The following ACAT1 variants were observed in gnomAD, a reference collection of about 807,000 sequenced individuals.
ACAT1 encodes acetyl-CoA acetyltransferase 1.
Under a neutral mutation model 47.3 loss-of-function variants are expected in ACAT1, and 28 were observed. That is an observed-to-expected ratio of 0.59 (90% CI 0.44 to 0.81). ACAT1 has a LOEUF of 0.81. Among genes scored for constraint, ACAT1 ranks in the 30% least tolerant of loss-of-function variants. The pLI is 0.00. For synonymous variants in ACAT1, 181 were observed against 173.6 expected (o/e 1.04, Z -0.34); for missense variants, 469 against 524.3 (o/e 0.89, Z 1.03).
At chr11:108,120,281 A>C (rs2077125572), upstream of ACAT1, among the ~76,000 whole-genome samples, 1 of 151,986 alleles carries the variant, frequency 6.6e-6, no homozygotes, top group Non-Finnish European at 1.5e-5. Flanking sequence ...AAGATCTCTT[A>C]AGGCCAGGAG....
chr11:108,117,400 T>G (rs1202931104), upstream of ACAT1, among the ~76,000 whole-genome samples: 1 of 151,572 alleles, frequency 6.6e-6, no homozygotes, highest in Non-Finnish European at 1.5e-5. Flanking sequence ...CTCCACCTCC[T>G]GGGTTCAAGC....
intron 5 of ACAT1, chr11:108,136,680 ACAGT>A (rs1319540600): frequency 6.6e-6 from 1 of 152,198 alleles, no homozygotes; most frequent in East Asian, 1.9e-4. Flanking sequence ...ACCTTAGAAA[ACAGT>A]CAGTTTTACT....
At chr11:108,129,619 A>C (rs1205420274) in intron 1 of ACAT1, among the ~76,000 whole-genome samples, 1 of 152,098 alleles carries the variant, frequency 6.6e-6, no homozygotes, top group Non-Finnish European at 1.5e-5. Flanking sequence ...CGCCCGCCTC[A>C]GCCTCCTAAA....
intron 1 of ACAT1, 72 bp downstream of exon 1, chr11:108,121,750 C>T: frequency 1.3e-6 from 2 of 1,509,336 alleles, no homozygotes; most frequent in Admixed American, 2.0e-5. Flanking sequence ...GCTTCCAGCC[C>T]GCGGCCGTTG....
rs553632142 is a variant in ACAT1 at position 108,147,421 on chromosome 11, ATGTGACCAGAAGGCCTGCTGTAATCAG to A, written c.*38_*64del. 5.4e-3 allele frequency: 8,746 copies of A among 1,611,400 alleles called. 32 individuals are homozygous for A. The highest frequency in any genetic ancestry group is 6.0e-3 in the Non-Finnish European group (7,031 of 1,178,734). On this transcript the variant is annotated 3_prime_UTR_variant, in exon 12 of 12. Transcript: ENST00000265838. Reference sequence around the variant, plus strand: ...CTCTGCTATTTAAGGAGACAACCCTATGTGACCAGAAGGCCTGCTGTAATCAGTGTGACTACTGTGGGTCAGCTTATA... The same window carrying A: ...CTCTGCTATTTAAGGAGACAACCCTATGTGACTACTGTGGGTCAGCTTATA...
In ACAT1 at chr11:108,139,973, G is replaced by A. The variant is rs777022719; in HGVS notation, c.580-92G>A. 142 of 1,439,146 alleles carry A rather than the reference G, an allele frequency of 9.9e-5. 1 individual carries two copies. The highest frequency in any genetic ancestry group is 3.7e-4 in the Middle Eastern group (2 of 5,340). The allele number at this position is 1,439,146 out of a possible 1,614,324, so 89.1% of individuals were successfully genotyped here. The stretch of plus-strand genomic sequence containing the variant: ...GCCTAAGAAATATATTTTAAGAAAC[G>A]TTAACTATTAAACACTATAAGTTAG... On this transcript the variant is annotated intron_variant, in intron 6 of 11. Coordinates refer to ENST00000265838, the MANE Select transcript of ACAT1 (RefSeq NM_000019.4).
Position 108,138,970 on chromosome 11 carries a change from T to A in ACAT1, c.508T>A (p.Tyr170Asn). 6.2e-7 allele frequency: 1 copy of A among 1,614,104 alleles called. No individual in the cohort carries two copies. Among genetic ancestry groups the A allele is most frequent in the Non-Finnish European group, 8.5e-7 (1 of 1,180,028 alleles). ...TGTAATGAACAGAGGATCAACACCA[T>A]ATGGTGGGGTAAAGCTTGAAGATTT... Reference protein sequence around the residue: ...PYVMNRGSTPYGGVKLEDLIV... With the variant: ...PYVMNRGSTPNGGVKLEDLIV... Residue 170 changes from tyrosine to asparagine, a missense_variant, in exon 6 of 12, where the codon TAT becomes AAT. Coordinates refer to ENST00000265838, the MANE Select transcript of ACAT1 (RefSeq NM_000019.4).
At chr11:108,121,498 T>C (rs1376361091), upstream of ACAT1, 9 of 1,238,404 alleles carry the variant, frequency 7.3e-6, no homozygotes, top group Non-Finnish European at 1.0e-5. Flanking sequence ...GAGGCGACTA[T>C]TGGAGGAAGC....
chr11:108,125,841 G>A (rs931159527), intron 1 of ACAT1, among the ~76,000 whole-genome samples: 1 of 151,780 alleles, frequency 6.6e-6, no homozygotes, highest in Non-Finnish European at 1.5e-5. Context: ...CAGGAGAATG[G>A]CGTGAACCTG....
At position 108,121,688 on chromosome 11, in the gene ACAT1, GTTCGTC is replaced by G; in HGVS notation, c.72+11_72+16del. The G allele has an allele frequency of 6.5e-7, 1 of 1,547,580 alleles. No individual in the cohort carries two copies. Among genetic ancestry groups the G allele is most frequent in the South Asian group, 1.2e-5 (1 of 83,974 alleles). On this transcript the variant is annotated intron_variant, in intron 1 of 11. Coordinates refer to ENST00000265838, the MANE Select transcript of ACAT1 (RefSeq NM_000019.4). ...CCGGAGGCTGGTGCAGGTGAGCGGGGTTCGTCCCCACAGCACTCAGACCCGGGATGC... is the reference window on the plus strand; with the variant it reads ...CCGGAGGCTGGTGCAGGTGAGCGGGGCCCACAGCACTCAGACCCGGGATGC...
intron 1 of ACAT1, among the ~76,000 whole-genome samples, chr11:108,125,101 TAAATA>T (rs1387889216): frequency 6.6e-6 from 1 of 152,124 alleles, no homozygotes; most frequent in East Asian, 1.9e-4. Flanking sequence ...GGATAGAAAA[TAAATA>T]AAATCAGTCT....
chr11:108,121,959 C>T, intron 1 of ACAT1: 3 of 524,616 alleles, frequency 5.7e-6, no homozygotes, highest in East Asian at 3.4e-5. Context: ...TCTGGGCGGG[C>T]AGGACCGCCA....
At chr11:108,140,740 A>C (rs947031993) in intron 7 of ACAT1, among the ~76,000 whole-genome samples, 1 of 152,208 alleles carries the variant, frequency 6.6e-6, no homozygotes, top group African/African-American at 2.4e-5. Flanking sequence ...CAGCAGAATA[A>C]ATCCACAATG....
Position 108,147,292 on chromosome 11 carries a change from G to A in ACAT1, c.1186G>A (p.Gly396Ser). The A allele has an allele frequency of 2.5e-6, 4 of 1,613,804 alleles. No homozygotes were observed. Among genetic ancestry groups the A allele is most frequent in the Non-Finnish European group, 3.4e-6 (4 of 1,179,878 alleles). The change falls in exon 12 of 12, where the codon GGT becomes AGT. Residue 396 changes from glycine to serine, a missense_variant. Physicochemically the swap from Gly to Ser is moderately conservative, Grantham distance 56. Coordinates refer to ENST00000265838, the MANE Select transcript of ACAT1 (RefSeq NM_000019.4). Reference sequence around the variant, plus strand: ...TAGGATGTCTGGAGCCAGGATTGTTGGTCATTTGACTCATGCCTTGAAGCA... The same window carrying A: ...TAGGATGTCTGGAGCCAGGATTGTTAGTCATTTGACTCATGCCTTGAAGCA... Reference protein sequence around the residue: ...PIGMSGARIVGHLTHALKQGE... With the variant: ...PIGMSGARIVSHLTHALKQGE...
chr11:108,146,642 C>T (rs757708739), intron 11 of ACAT1, among the ~76,000 whole-genome samples: 1 of 152,118 alleles, frequency 6.6e-6, no homozygotes, highest in African/African-American at 2.4e-5. Context: ...TTTAGGGTAC[C>T]GTGGGTTTTG....
chr11:108,135,126 C>T lies in ACAT1; in HGVS notation c.335-16C>T. On this transcript the variant is annotated splice_polypyrimidine_tract_variant and intron_variant, in intron 4 of 11. Transcript: ENST00000265838. ...TTGAGTATCGGTTTTTCAAAAGTGA[C>T]TTATATTGGTTTTAGGCTTACCTAT... 1.3e-6 allele frequency: 2 copies of T among 1,589,162 alleles called. No homozygotes were observed. Among genetic ancestry groups the T allele is most frequent in the Non-Finnish European group, 1.7e-6 (2 of 1,157,784 alleles).
At chr11:108,134,471 CGT>C in intron 4 of ACAT1, 155 bp downstream of exon 4, 2 of 533,188 alleles carry the variant, frequency 3.8e-6, no homozygotes, top group Non-Finnish European at 7.0e-6. Flanking sequence ...GGTGAAACCC[CGT>C]CTCTACTAAA....
chr11:108,122,979 CTT>C (rs2077179057), intron 1 of ACAT1, among the ~76,000 whole-genome samples: 1 of 152,124 alleles, frequency 6.6e-6, no homozygotes, highest in Admixed American at 6.6e-5. Flanking sequence ...AATCCCAGCA[CTT>C]TGGGAGGCCG....
At chr11:108,135,360 T>C (rs1278746659) in intron 5 of ACAT1, 118 bp downstream of exon 5, 1 of 776,816 alleles carries the variant, frequency 1.3e-6, no homozygotes, top group Admixed American at 2.1e-5. Context: ...GTTAGTATGT[T>C]TTCTCACATG....
Sources: gnomAD v4.1 joint callset for allele counts (sites outside exome capture counted in the v4.1 genomes callset) on GRCh38, gnomAD v4.1.1 for gene constraint, MANE v1.5 for transcripts, NCBI Gene and HGNC (gene_info 2026-07-23, HGNC 2026-07-21) for gene names.